The following TXNRD3 variants were observed in gnomAD, a reference collection of about 807,000 sequenced individuals.
TXNRD3 encodes thioredoxin reductase 3.
A neutral mutation model predicts 78.2 loss-of-function variants in TXNRD3; 68 were observed. That is an observed-to-expected ratio of 0.87 (90% CI 0.72 to 1.06). The LOEUF (loss-of-function observed/expected upper bound fraction) is 1.06, where lower values mean the gene tolerates loss of function less well. TXNRD3 is among the 50% of genes least tolerant of loss of function. The pLI, the probability that TXNRD3 is intolerant of heterozygous loss-of-function variation, is 0.00. For synonymous variants in TXNRD3, 296 were observed against 300.1 expected (o/e 0.99, Z 0.14); for missense variants, 751 against 809.5 (o/e 0.93, Z 0.88).
chr3:126,641,961 A>C, intron 6 of TXNRD3, 71 bp downstream of exon 6: 16 of 1,421,232 alleles, frequency 1.1e-5, no homozygotes, highest in Non-Finnish European at 1.5e-5. Context: ...AAAAATATGA[A>C]TACCAAGTCT....
intron 12 of TXNRD3, among the ~76,000 whole-genome samples, chr3:126,616,151 A>G (rs1025935000): frequency 2.6e-5 from 4 of 152,350 alleles, no homozygotes; most frequent in East Asian, 1.9e-4. Context: ...AAAGGCCCCA[A>G]CTTGGGAGAA....
In TXNRD3 at chr3:126,630,875, A is replaced by G; in HGVS notation, c.1034T>C (p.Val345Ala). Residue 345 changes from valine (V) to alanine (A), a missense_variant, in exon 9 of 16, where the codon GTT becomes GCT. By Grantham distance (64) the Val-to-Ala change is moderately conservative. Coordinates refer to ENST00000524230, the MANE Select transcript of TXNRD3 (RefSeq NM_052883.3). ...CAGAAACCCTGCACACTCCAGGGCAACATAAGAGGCACCCACCACTAATGT... is the reference window on the plus strand; with the variant it reads ...CAGAAACCCTGCACACTCCAGGGCAGCATAAGAGGCACCCACCACTAATGT... The G allele has an allele frequency of 1.3e-6, 2 of 1,536,136 alleles. No individual in the cohort carries two copies. Among genetic ancestry groups the G allele is most frequent in the Non-Finnish European group, 1.7e-6 (2 of 1,146,888 alleles).
At chr3:126,631,991 ATGTG>A in intron 7 of TXNRD3, 112 bp from the exon 8 acceptor site, 1 of 682,958 alleles carries the variant, frequency 1.5e-6, no homozygotes, top group Admixed American at 2.6e-5. Flanking sequence ...AACAGCAGAC[ATGTG>A]AAAAAGTAAT....
At chr3:126,634,547 A>G (rs1193613402) in intron 6 of TXNRD3, among the ~76,000 whole-genome samples, 6 of 152,130 alleles carry the variant, frequency 3.9e-5, no homozygotes, top group African/African-American at 1.4e-4. Context: ...TACAACAAAT[A>G]TGGTTCACGC....
chr3:126,629,107 A>C (rs1366994843), intron 10 of TXNRD3, among the ~76,000 whole-genome samples: 2 of 152,110 alleles, frequency 1.3e-5, no homozygotes, highest in Admixed American at 1.3e-4. Context: ...AAATGTATAA[A>C]ATATCTAATT....
chr3:126,614,708 T>C (rs1418544091), intron 13 of TXNRD3, among the ~76,000 whole-genome samples: 3 of 152,198 alleles, frequency 2.0e-5, no homozygotes, highest in Non-Finnish European at 4.4e-5. Flanking sequence ...TGCTGTGATT[T>C]AAATACATTC....
At position 126,654,885 on chromosome 3, in the gene TXNRD3, G is replaced by C; in HGVS notation, c.106C>G (p.Arg36Gly). The C allele has an allele frequency of 7.5e-7, 1 of 1,325,098 alleles. No homozygotes were observed. The highest frequency in any genetic ancestry group is 9.6e-7 in the Non-Finnish European group (1 of 1,046,152). 82.1% of individuals were successfully genotyped at this position (1,325,098 alleles called of 1,614,324 possible). ...CCGGGGGACGACAGGCGGGCACGGCGCCCCGGCGGCGACAACACGCGCGCC... is the reference window on the plus strand; with the variant it reads ...CCGGGGGACGACAGGCGGGCACGGCCCCCCGGCGGCGACAACACGCGCGCC... The change falls in exon 1 of 16, where the codon CGC becomes GGC. Residue 36 changes from arginine (R) to glycine (G), a missense_variant. Coordinates refer to ENST00000524230, the MANE Select transcript of TXNRD3 (RefSeq NM_052883.3).
intron 6 of TXNRD3, among the ~76,000 whole-genome samples, chr3:126,634,670 T>C (rs1397954934): frequency 6.6e-6 from 1 of 152,178 alleles, no homozygotes; most frequent in Non-Finnish European, 1.5e-5. Flanking sequence ...TGGGATTTAC[T>C]GCATAGTGTT....
chr3:126,608,654 A>T, intron 14 of TXNRD3, 21 bp from the exon 15 acceptor site: 6 of 1,529,940 alleles, frequency 3.9e-6, no homozygotes, highest in Non-Finnish European at 5.2e-6. Flanking sequence ...GAAACAAAAC[A>T]AAGAGAATCC....
intron 10 of TXNRD3, among the ~76,000 whole-genome samples, chr3:126,623,866 A>G (rs893918162): frequency 4.0e-5 from 6 of 151,464 alleles, no homozygotes; most frequent in Non-Finnish European, 1.5e-5. Flanking sequence ...AAAAAAAAAA[A>G]AAAAGATTAA....
At chr3:126,635,731 T>G (rs1396531972) in intron 6 of TXNRD3, among the ~76,000 whole-genome samples, 2 of 152,216 alleles carry the variant, frequency 1.3e-5, no homozygotes, top group Non-Finnish European at 2.9e-5. Flanking sequence ...TTGTTATGCC[T>G]TTATATTCTT....
chr3:126,654,684 C>T, intron 1 of TXNRD3, 64 bp downstream of exon 1: 10 of 1,147,156 alleles, frequency 8.7e-6, no homozygotes, highest in Non-Finnish European at 1.1e-5. Context: ...CCCGCCCTGC[C>T]CCGGGTGGCG....
intron 10 of TXNRD3, 65 bp from the exon 11 acceptor site, chr3:126,622,605 T>A: frequency 8.5e-7 from 1 of 1,181,736 alleles, no homozygotes; most frequent in Non-Finnish European, 1.2e-6. Context: ...GGAACATCAC[T>A]ATAGATCCTT....
chr3:126,616,773 A>G (rs1391555757), intron 12 of TXNRD3, among the ~76,000 whole-genome samples: 1 of 152,212 alleles, frequency 6.6e-6, no homozygotes, highest in Non-Finnish European at 1.5e-5. Context: ...AAAGAAAACC[A>G]AAACACCACC....
intron 2 of TXNRD3, among the ~76,000 whole-genome samples, chr3:126,646,913 G>A (rs570915379): frequency 6.6e-5 from 10 of 152,174 alleles, no homozygotes; most frequent in Admixed American, 3.9e-4. Context: ...AAATGGGAGC[G>A]GATCCTTTTC....
At chr3:126,644,126 T>C (rs1933163624) in intron 4 of TXNRD3, 73 bp from the exon 5 acceptor site, 1 of 1,479,084 alleles carries the variant, frequency 6.8e-7, no homozygotes, top group Non-Finnish European at 9.1e-7. Context: ...AATCTTTGTC[T>C]TCCGTAAAAG....
chr3:126,618,948 A>T (rs1268150466), intron 12 of TXNRD3, among the ~76,000 whole-genome samples: 1 of 152,126 alleles, frequency 6.6e-6, no homozygotes. Flanking sequence ...ACACATGGGC[A>T]ACAAGTATAT....
In TXNRD3 at chr3:126,655,111, C is replaced by G; in HGVS notation, c.-121G>C. 7.7e-7 allele frequency: 1 copy of G among 1,293,138 alleles called. No individual in the cohort carries two copies. The highest frequency in any genetic ancestry group is 9.8e-7 in the Non-Finnish European group (1 of 1,018,810). 80.1% of individuals were successfully genotyped at this position (1,293,138 alleles called of 1,614,324 possible). On this transcript the variant is annotated 5_prime_UTR_variant, in exon 1 of 16. Transcript: ENST00000524230. ...TGCCCTCGCTGGCCACTCTCACCAC[C>G]CGCGCGAATCCGCGAGGCAGCCGCT...
In TXNRD3 at chr3:126,654,939, G is replaced by A. The variant is rs949664366; in HGVS notation, c.52C>T (p.Pro18Ser). 1.3e-5 allele frequency: 17 copies of A among 1,296,186 alleles called. No individual in the cohort carries two copies. Among genetic ancestry groups the A allele is most frequent in the Non-Finnish European group, 1.6e-5 (16 of 1,028,168 alleles). The allele number at this position is 1,296,186 out of a possible 1,614,324, so 80.3% of individuals were successfully genotyped here. Residue 18 changes from proline to serine, a missense_variant, in exon 1 of 16, where the codon CCC (proline) becomes TCC (serine). Coordinates refer to ENST00000524230, the MANE Select transcript of TXNRD3 (RefSeq NM_052883.3). ...CGGACATGGCCCGAGCGGCGGTTGGGGGCATCGCCCGCCTTTCCCGGCCCG... is the reference window on the plus strand; with the variant it reads ...CGGACATGGCCCGAGCGGCGGTTGGAGGCATCGCCCGCCTTTCCCGGCCCG...
Sources: allele counts gnomAD v4.1 joint callset (sites outside exome capture counted in the v4.1 genomes callset), GRCh38; gene constraint gnomAD v4.1.1; transcripts MANE v1.5; gene names NCBI Gene and HGNC (gene_info 2026-07-23, HGNC 2026-07-21).